DSCAML1: variants seen among roughly 807,000 people sequenced by gnomAD.
DSCAML1 encodes the protein cell adhesion molecule DSCAML1.
DSCAML1 carries 38 observed loss-of-function variants against 200.5 expected under a neutral mutation model. The ratio of observed to expected loss-of-function variants is 0.19; its 90% CI spans 0.15 to 0.25. The LOEUF is 0.25. Ranked by LOEUF, DSCAML1 falls within the 10% of genes least tolerant of loss-of-function variation. DSCAML1 has a pLI of 1.00. For missense variants in DSCAML1, 2,223 were observed against 2,858.8 expected, an observed-to-expected ratio of 0.78 and a Z score of 5.07; for synonymous variants, 1,215 against 1,165.0, an observed-to-expected ratio of 1.04 and a Z score of -0.87.
chr11:117,530,158 C>T (rs1260034025), intron 4 of DSCAML1, among the ~76,000 whole-genome samples: 1 of 152,084 alleles, frequency 6.6e-6, no homozygotes, highest in Non-Finnish European at 1.5e-5. Context: ...TCTCCTCCCC[C>T]TCGCCCCTTC....
chr11:117,619,088 C>T (rs1007773918), intron 3 of DSCAML1, among the ~76,000 whole-genome samples: 3 of 152,220 alleles, frequency 2.0e-5, no homozygotes, highest in African/African-American at 7.2e-5. Flanking sequence ...CCACTTTTGC[C>T]TTTATGGTTC....
At chr11:117,465,219 G>A (rs1445685756) in intron 16 of DSCAML1, 37 bp from the exon 17 acceptor site, 7 of 1,605,532 alleles carry the variant, frequency 4.4e-6, no homozygotes, top group Non-Finnish European at 6.0e-6. Flanking sequence ...CAAAGAAATG[G>A]CAACACGCTG....
intron 3 of DSCAML1, among the ~76,000 whole-genome samples, chr11:117,666,056 G>A (rs1019178783): frequency 6.6e-6 from 1 of 152,192 alleles, no homozygotes; most frequent in Non-Finnish European, 1.5e-5. Context: ...ACTGCGGTCA[G>A]AGCTCAGGGC....
At chr11:117,502,128 G>T (rs2049406540) in intron 11 of DSCAML1, among the ~76,000 whole-genome samples, 1 of 152,184 alleles carries the variant, frequency 6.6e-6, no homozygotes, top group South Asian at 2.1e-4. Flanking sequence ...CATAGGAAAA[G>T]TACAGGCCCG....
chr11:117,597,693 T>A (rs2051388094), intron 3 of DSCAML1, among the ~76,000 whole-genome samples: 1 of 152,120 alleles, frequency 6.6e-6, no homozygotes, highest in Admixed American at 6.5e-5. Context: ...TGACCTCAAG[T>A]GATCCACCCG....
intron 3 of DSCAML1, among the ~76,000 whole-genome samples, chr11:117,688,485 G>T (rs1319795529): frequency 1.3e-5 from 2 of 152,220 alleles, no homozygotes; most frequent in Non-Finnish European, 2.9e-5. Context: ...TCCAGGCAGG[G>T]AGAAGAGCCA....
At chr11:117,544,240 A>G (rs945477450) in intron 3 of DSCAML1, among the ~76,000 whole-genome samples, 3 of 152,210 alleles carry the variant, frequency 2.0e-5, no homozygotes, top group Non-Finnish European at 4.4e-5. Flanking sequence ...ATTCAAAAAG[A>G]GAAATTGCAA....
intron 1 of DSCAML1, among the ~76,000 whole-genome samples, chr11:117,788,176 C>G (rs1457257899): frequency 2.0e-5 from 3 of 152,236 alleles, no homozygotes; most frequent in Non-Finnish European, 4.4e-5. Context: ...GGTCCTTGGA[C>G]AAGAGGAAGC....
At chr11:117,566,338 C>CTT (rs1555185524) in intron 3 of DSCAML1, among the ~76,000 whole-genome samples, 6 of 128,080 alleles carry the variant, frequency 4.7e-5, no homozygotes, top group African/African-American at 1.8e-4. Flanking sequence ...CCTTTCTTTT[C>CTT]TTTCTCTCTC....
chr11:117,690,892 G>A (rs912002593), intron 3 of DSCAML1, among the ~76,000 whole-genome samples: 2 of 152,182 alleles, frequency 1.3e-5, no homozygotes, highest in Admixed American at 6.5e-5. Flanking sequence ...CAGCTGCCTT[G>A]TTCACTGGGC....
chr11:117,622,090 T>C (rs2051946285), intron 3 of DSCAML1, among the ~76,000 whole-genome samples: 1 of 152,198 alleles, frequency 6.6e-6, no homozygotes, highest in East Asian at 1.9e-4. Context: ...ATTTGCCTAG[T>C]CCAGGCTTGG....
intron 3 of DSCAML1, among the ~76,000 whole-genome samples, chr11:117,702,706 G>C (rs562210315): frequency 9.9e-5 from 15 of 152,266 alleles, no homozygotes; most frequent in African/African-American, 3.6e-4. Context: ...TAACAATCAA[G>C]GTTTTGTGAA....
intron 3 of DSCAML1, among the ~76,000 whole-genome samples, chr11:117,638,521 C>T (rs530330288): frequency 6.6e-6 from 1 of 152,294 alleles, no homozygotes; most frequent in Admixed American, 6.5e-5. Flanking sequence ...AAATCCCACA[C>T]CCTTTAGCTA....
chr11:117,484,944 A>AGTGTGTGTGTGTGTGTGT (rs2049013076), intron 11 of DSCAML1, among the ~76,000 whole-genome samples: 3 of 88,460 alleles, frequency 3.4e-5, no homozygotes, highest in Non-Finnish European at 7.3e-5. Context: ...TGTGTGTGTA[A>AGTGTGTGTGTGTGTGTGT]GTGGGGCTGG....
At chr11:117,601,501 G>A (rs1308438685) in intron 3 of DSCAML1, among the ~76,000 whole-genome samples, 2 of 152,128 alleles carry the variant, frequency 1.3e-5, no homozygotes, top group Non-Finnish European at 1.5e-5. Flanking sequence ...GAAACACTAC[G>A]CCATCCAAAA....
At chr11:117,486,278 G>A (rs1390015085) in intron 11 of DSCAML1, among the ~76,000 whole-genome samples, 3 of 151,244 alleles carry the variant, frequency 2.0e-5, no homozygotes, top group Admixed American at 6.6e-5. Flanking sequence ...TGGGAAAGTG[G>A]CGGATGTGAA....
intron 11 of DSCAML1, among the ~76,000 whole-genome samples, chr11:117,484,111 G>C (rs1412518575): frequency 2.0e-5 from 3 of 150,966 alleles, no homozygotes; most frequent in African/African-American, 7.3e-5. Flanking sequence ...TTCCTTCCGG[G>C]TATTCTCAGG....
chr11:117,433,482 G>A lies in DSCAML1; in HGVS notation c.4877-11C>T, dbSNP rs771343543. 1 of 1,612,342 alleles carries A rather than the reference G, an allele frequency of 6.2e-7. No homozygotes were observed. The highest frequency in any genetic ancestry group is 8.5e-7 in the Non-Finnish European group (1 of 1,179,636). The stretch of plus-strand genomic sequence containing the variant: ...CCAAACTCTTTGCATCTGCAAAACA[G>A]TAGAGGGAGAGGAGGGCTGGGTGAG... On this transcript the variant is annotated splice_polypyrimidine_tract_variant and intron_variant, in intron 27 of 32. Transcript: ENST00000651296.
At chr11:117,682,996 T>A (rs535008944) in intron 3 of DSCAML1, among the ~76,000 whole-genome samples, 1 of 152,310 alleles carries the variant, frequency 6.6e-6, no homozygotes, top group Non-Finnish European at 1.5e-5. Context: ...GTCCCTCTGC[T>A]CCTCCACAGA....
Sources: allele counts gnomAD v4.1 joint callset (sites outside exome capture counted in the v4.1 genomes callset), GRCh38; gene constraint gnomAD v4.1.1; transcripts MANE v1.5; gene names NCBI Gene and HGNC (gene_info 2026-07-23, HGNC 2026-07-21).